The following USP19 variants were observed in gnomAD, a reference collection of about 807,000 sequenced individuals.
The protein encoded by USP19 is ubiquitin carboxyl-terminal hydrolase 19.
A neutral mutation model predicts 144.8 loss-of-function variants in USP19; 40 were observed. The ratio of observed to expected loss-of-function variants is 0.28; its 90% CI spans 0.21 to 0.36. The LOEUF (loss-of-function observed/expected upper bound fraction) is 0.36, where lower values mean the gene tolerates loss of function less well. Ranked by LOEUF, USP19 falls within the 10% of genes least tolerant of loss-of-function variation. The pLI, the probability that USP19 is intolerant of heterozygous loss-of-function variation, is 1.00. For missense variants in USP19, 1,518 were observed against 1,822.5 expected (o/e 0.83, Z 3.04); for synonymous variants, 701 against 709.3 (o/e 0.99, Z 0.19).
At chr3:49,119,938 C>T (rs574982919) in intron 1 of USP19, among the ~76,000 whole-genome samples, 1 of 152,290 alleles carries the variant, frequency 6.6e-6, no homozygotes, top group Non-Finnish European at 1.5e-5. Context: ...CTAGATGTCA[C>T]GCTACCTCTT....
rs189409339 is a variant in USP19 at position 49,114,558 on chromosome 3, T to C, written c.2292+205A>G. ...GCCCACAACCCTGCTACAACACCTT[T>C]GAGCTCTAACATCACTTTTCCCTCA... On this transcript the variant is annotated intron_variant, in intron 15 of 26. Coordinates refer to ENST00000417901, the MANE Select transcript of USP19 (RefSeq NM_001199161.2). The surrounding 1 kb of genome is among the most constrained non-coding windows in gnomAD (Gnocchi z 4.5). Among the ~76,000 whole-genome samples the C allele has an allele frequency of 1.6e-3, 240 of 152,378 alleles. No individual in the cohort carries two copies. The highest frequency in any genetic ancestry group is 0.014 in the Middle Eastern group (4 of 294).
Position 49,117,324 on chromosome 3 carries a change from A to G in USP19, c.644T>C (p.Leu215Pro), listed in dbSNP as rs1237338762. Residue 215 changes from leucine to proline, a missense_variant, in exon 6 of 27, where the codon CTG becomes CCG. By Grantham distance (98) the Leu-to-Pro change is moderately conservative. Around this residue, in one of 5 missense-constraint regions of USP19, gnomAD observed 707 missense variants for 728.9 expected, o/e 0.97. Coordinates refer to ENST00000417901, the MANE Select transcript of USP19 (RefSeq NM_001199161.2). This position sits in a 1 kb window ranked among gnomAD's most constrained non-coding sequence, Gnocchi z 4.4. ...PLGTQELVPG[L>P]RCQENGQELS... ...TTCCTGCCCATTCTCCTGGCACCGC[A>G]GCCCCGGCACCAGCTCCTGGGTCCC... 15 of 1,587,010 alleles carry G rather than the reference A, an allele frequency of 9.5e-6. No individual in the cohort carries two copies. The highest frequency in any genetic ancestry group is 1.1e-5 in the South Asian group (1 of 89,320).
chr3:49,113,963 T>C (rs1575458117), intron 17 of USP19, 29 bp downstream of exon 17: 1 of 1,598,660 alleles, frequency 6.3e-7, no homozygotes, highest in Non-Finnish European at 8.5e-7. Context: ...CATCCACACA[T>C]GTGATAGCCC....
Position 49,116,422 on chromosome 3 carries a change from ATT to A in USP19, c.1283+27_1283+28del, listed in dbSNP as rs2044143889. 1 of 1,614,054 alleles carries A rather than the reference ATT, an allele frequency of 6.2e-7. No homozygotes were observed. The highest frequency in any genetic ancestry group is 8.5e-7 in the Non-Finnish European group (1 of 1,179,916). On this transcript the variant is annotated intron_variant, in intron 8 of 26. Transcript: ENST00000417901. The surrounding 1 kb of genome is among the most constrained non-coding windows in gnomAD (Gnocchi z 5.0). ...TGAGACATACTGTCCCACCTGAGGC[ATT>A]GTTTGCCCCATCATCTACCCACCCA...
chr3:49,115,072 G>C lies in USP19; in HGVS notation c.2068C>G (p.His690Asp). ...AAAGCCATGAACTCCTGGGCATCAT[G>C]CTGTGCATAGCCTGTGAACTGGCTG... ...KASQFTGYAQHDAQEFMAFLL... is the reference protein window; with the variant it reads ...KASQFTGYAQDDAQEFMAFLL... The change falls in exon 14 of 27, where the codon CAT (histidine) becomes GAT (aspartate). Residue 690 changes from histidine to aspartate, a missense_variant. By Grantham distance (81) the His-to-Asp change is moderately conservative. Transcript: ENST00000417901. This position sits in a 1 kb window ranked among gnomAD's most constrained non-coding sequence, Gnocchi z 6.6. The C allele has an allele frequency of 6.2e-7, 1 of 1,614,190 alleles. No homozygotes were observed. The highest frequency in any genetic ancestry group is 8.5e-7 in the Non-Finnish European group (1 of 1,180,030).
At position 49,110,932 on chromosome 3, in the gene USP19, T is replaced by G; in HGVS notation, c.3545+18A>C. 1 of 1,613,946 alleles carries G rather than the reference T, an allele frequency of 6.2e-7. No homozygotes were observed. Among genetic ancestry groups the G allele is most frequent in the South Asian group, 1.1e-5 (1 of 91,086 alleles). ...TTCTCCATCCTGCCCCCTTATCTAC[T>G]TGCTGCTCTGTTCTCACCAGGCCTC... On this transcript the variant is annotated intron_variant, in intron 23 of 26. Transcript: ENST00000417901. The surrounding 1 kb of genome is among the most constrained non-coding windows in gnomAD (Gnocchi z 6.1).
chr3:49,109,177 C>A, intron 26 of USP19: 1 of 1,483,880 alleles, frequency 6.7e-7, no homozygotes, highest in South Asian at 1.4e-5. Context: ...CCTGCCAAAT[C>A]CGGGAAGCCT....
In USP19 at chr3:49,117,220, C is replaced by G; in HGVS notation, c.748G>C (p.Gly250Arg). ...QEARNQKRAQ[G>R]RGEVGAGAGP... is the part of the protein sequence containing the mutation. ...GCCCCTGCGCCTACCTCACCACGGC[C>G]CTGGGCCCGCTTCTGGTTCCGGGCC... Residue 250 changes from glycine to arginine, a missense_variant, in exon 6 of 27, where the codon GGC becomes CGC. By Grantham distance (125) the Gly-to-Arg change is moderately radical. Around this residue, in one of 5 missense-constraint regions of USP19, gnomAD observed 707 missense variants for 728.9 expected, o/e 0.97. Transcript: ENST00000417901. The surrounding 1 kb of genome is among the most constrained non-coding windows in gnomAD (Gnocchi z 4.4). 6.5e-7 allele frequency: 1 copy of G among 1,548,972 alleles called. No individual in the cohort carries two copies. The highest frequency in any genetic ancestry group is 2.4e-5 in the East Asian group (1 of 40,944).
At chr3:49,118,264 T>A in intron 2 of USP19, 144 bp from the exon 3 acceptor site, 16 of 330,236 alleles carry the variant, frequency 4.8e-5, no homozygotes, top group African/African-American at 6.8e-5. Flanking sequence ...AGACCCTGCC[T>A]TTAAAAAAAA....
Position 49,115,907 on chromosome 3 carries a change from A to G in USP19, c.1509T>C (p.Gly503=), listed in dbSNP as rs766901835. ...GTGGGGTTGAATCCAGAGGGGTTGG[A>G]CCTGTCGGCACGGCAACCTTTGCAC... is the stretch of plus-strand genomic sequence containing the variant. ...VGGAKVAVPT[G]PTPLDSTPPG... is the part of the protein sequence containing the mutation. The change falls in exon 11 of 27, where the codon GGT becomes GGC. Residue 503 remains glycine, a synonymous_variant. Coordinates refer to ENST00000417901, the MANE Select transcript of USP19 (RefSeq NM_001199161.2). This position sits in a 1 kb window ranked among gnomAD's most constrained non-coding sequence, Gnocchi z 6.6. 1 of 1,567,328 alleles carries G rather than the reference A, an allele frequency of 6.4e-7. No homozygotes were observed. The highest frequency in any genetic ancestry group is 8.6e-7 in the Non-Finnish European group (1 of 1,158,082).
At position 49,111,601 on chromosome 3, in the gene USP19, C is replaced by A. The variant is rs760444129; in HGVS notation, c.3116G>T (p.Gly1039Val). 10 of 1,612,402 alleles carry A rather than the reference C, an allele frequency of 6.2e-6. No individual in the cohort carries two copies. In the Admixed American group the frequency reaches 1.7e-4, roughly 27 times the overall value. ...LPRVWAAPDR[G>V]PVPSTSGISS... ...AATTCCACTGGTGCTGGGCACAGGACCCCGGTCAGGGGCTGCCCACACCCG... is the reference window on the plus strand; with the variant it reads ...AATTCCACTGGTGCTGGGCACAGGAACCCGGTCAGGGGCTGCCCACACCCG... The change falls in exon 21 of 27, where the codon GGT becomes GTT. Residue 1039 changes from glycine to valine, a missense_variant. Transcript: ENST00000417901. The surrounding 1 kb of genome is among the most constrained non-coding windows in gnomAD (Gnocchi z 5.9).
Position 49,108,329 on chromosome 3 carries a change from G to C in USP19, c.*83C>G, listed in dbSNP as rs2042638985. The stretch of plus-strand genomic sequence containing the variant: ...CCCATTGACAGAGCCAGTGTCCTCT[G>C]GGTTAGAGAAGGAGAAGCGGCAAGG... On this transcript the variant is annotated 3_prime_UTR_variant, in exon 27 of 27. Coordinates refer to ENST00000417901, the MANE Select transcript of USP19 (RefSeq NM_001199161.2). The surrounding 1 kb of genome is among the most constrained non-coding windows in gnomAD (Gnocchi z 4.8). 17 of 419,870 alleles carry C rather than the reference G, an allele frequency of 4.0e-5. 1 individual carries two copies. The South Asian group carries it at 6.1e-4, about 15-fold the overall frequency. The allele number at this position is 419,870 out of a possible 1,614,324, so 26.0% of individuals were successfully genotyped here.
rs772701931 is a variant in USP19 at position 49,109,128 on chromosome 3, C to T, written c.4039-600G>A. The T allele has an allele frequency of 1.9e-6, 3 of 1,542,610 alleles. No homozygotes were observed. In the Admixed American group the frequency reaches 6.6e-5, roughly 34 times the overall value. On this transcript the variant is annotated intron_variant, in intron 26 of 26. Transcript: ENST00000417901. The stretch of plus-strand genomic sequence containing the variant: ...TGGGGCCCCCAGGGACCCAGGGGCC[C>T]AGACCCCTCAGGCACCGGCTCCTCC...
At position 49,114,962 on chromosome 3, in the gene USP19, A is replaced by G. The variant is rs1449364975; in HGVS notation, c.2178T>C (p.Asp726=). ...TETVDSDGRP[D]EVVAEEAWQR... ...ACCCTCTGTCCCTAACCCTGACCTC[A>G]TCGGGCCGCCCATCTGAATCCACGG... Residue 726 remains aspartate, a synonymous_variant, in exon 14 of 27, where the codon GAT becomes GAC. Transcript: ENST00000417901. This position sits in a 1 kb window ranked among gnomAD's most constrained non-coding sequence, Gnocchi z 4.5. The G allele has an allele frequency of 6.2e-7, 1 of 1,614,038 alleles. No individual in the cohort carries two copies. The highest frequency in any genetic ancestry group is 8.5e-7 in the Non-Finnish European group (1 of 1,180,034).
At chr3:49,113,471 G>A (rs891159061) in intron 17 of USP19, among the ~76,000 whole-genome samples, 1 of 152,058 alleles carries the variant, frequency 6.6e-6, no homozygotes, top group Non-Finnish European at 1.5e-5. Context: ...GTAGAGGTGG[G>A]GTTTCACCAT....
Position 49,108,381 on chromosome 3 carries a change from A to G in USP19, c.*31T>C. ...GCTGGCCCTCTGTGTGGGTGTCCCAAACCCAGTCCCCCCCATCAGCCAGGG... is the reference window on the plus strand; with the variant it reads ...GCTGGCCCTCTGTGTGGGTGTCCCAGACCCAGTCCCCCCCATCAGCCAGGG... On this transcript the variant is annotated 3_prime_UTR_variant, in exon 27 of 27. Transcript: ENST00000417901. This position sits in a 1 kb window ranked among gnomAD's most constrained non-coding sequence, Gnocchi z 4.8. 1.0e-6 allele frequency: 1 copy of G among 964,622 alleles called. No homozygotes were observed. The highest frequency in any genetic ancestry group is 1.5e-6 in the Non-Finnish European group (1 of 677,754). 59.8% of individuals were successfully genotyped at this position (964,622 alleles called of 1,614,324 possible).
In USP19 at chr3:49,118,040, C is replaced by T; in HGVS notation, c.205G>A (p.Ala69Thr). The T allele has an allele frequency of 6.3e-7, 1 of 1,598,576 alleles. No individual in the cohort carries two copies. Among genetic ancestry groups the T allele is most frequent in the Non-Finnish European group, 8.5e-7 (1 of 1,176,254 alleles). The change falls in exon 3 of 27, where the codon GCT becomes ACT. Residue 69 changes from alanine (A) to threonine (T), a missense_variant. Physicochemically the swap from Ala to Thr is moderately conservative, Grantham distance 58 (BLOSUM62 0). Transcript: ENST00000417901. ...CGGTGGCGTGAGCCTGTGATCCCAG[C>T]TGCATGGGAGGCTGAGGCAGAAGGA... ...GDPSASASHA[A>T]GITGSRHRTR...
chr3:49,112,477 G>GC lies in USP19; in HGVS notation c.2646+11dup. 1 of 1,613,592 alleles carries GC rather than the reference G, an allele frequency of 6.2e-7. No homozygotes were observed. Among genetic ancestry groups the GC allele is most frequent in the East Asian group, 2.2e-5 (1 of 44,866 alleles). On this transcript the variant is annotated intron_variant, in intron 18 of 26. Transcript: ENST00000417901. The surrounding 1 kb of genome is among the most constrained non-coding windows in gnomAD (Gnocchi z 4.9). ...ACCAGGGCGCTGTGCCATCAGGTTGGCCCCCACTCACCTGTTGCACCTCTA... is the reference window on the plus strand; with the variant it reads ...ACCAGGGCGCTGTGCCATCAGGTTGGCCCCCCACTCACCTGTTGCACCTCTA...
chr3:49,114,894 A>T lies in USP19; in HGVS notation c.2182-21T>A. The T allele has an allele frequency of 6.2e-7, 1 of 1,614,072 alleles. No homozygotes were observed. Among genetic ancestry groups the T allele is most frequent in the Non-Finnish European group, 8.5e-7 (1 of 1,180,002 alleles). On this transcript the variant is annotated intron_variant, in intron 14 of 26. Transcript: ENST00000417901. The surrounding 1 kb of genome is among the most constrained non-coding windows in gnomAD (Gnocchi z 4.5). Reference sequence around the variant, plus strand: ...ACCACCTGAGAGGCAGAGTGGTGAGAACCAAAGAGTACCAGGGGCTGGGAT... The same window carrying T: ...ACCACCTGAGAGGCAGAGTGGTGAGTACCAAAGAGTACCAGGGGCTGGGAT...
Sources: allele counts gnomAD v4.1 joint callset (sites outside exome capture counted in the v4.1 genomes callset), GRCh38; gene constraint gnomAD v4.1.1; regional missense constraint gnomAD v4.1.1; non-coding constraint Gnocchi (gnomAD v3.1); transcripts MANE v1.5; gene names NCBI Gene and HGNC (gene_info 2026-07-23, HGNC 2026-07-21).